Variants in ZNF138 observed in about 807,000 individuals in gnomAD.
The protein encoded by ZNF138 is zinc finger protein 138 (clone pHZ-32).
ZNF138 carries 33 observed loss-of-function variants against 33.0 expected under a neutral mutation model. The observed-to-expected ratio is 1.00, with a 90% confidence interval of 0.76 to 1.34. ZNF138 has a LOEUF of 1.34. Ranked by LOEUF, ZNF138 falls within the 40% of genes most tolerant of loss-of-function variation. ZNF138 has a pLI of 0.00. For synonymous variants in ZNF138, 139 were observed against 120.4 expected, an observed-to-expected ratio of 1.15 and a Z score of -1.01; for missense variants, 360 against 370.8, an observed-to-expected ratio of 0.97 and a Z score of 0.24.
rs190198776 is a variant in ZNF138 at position 64,829,792 on chromosome 7, A to C, written c.209-1659A>C. ...AGGAATTCCATTTTTGTGTATGTGC[A>C]TGTCTTCCCTAGAAAGTTATGTTAT... On this transcript the variant is annotated intron_variant, in intron 3 of 3. Coordinates refer to ENST00000307355, the MANE Select transcript of ZNF138 (RefSeq NM_001271639.2). Among the ~76,000 whole-genome samples the C allele has an allele frequency of 3.8e-3, 582 of 152,072 alleles. 8 individuals carry two copies. Among genetic ancestry groups the C allele is most frequent in the African/African-American group, 0.014 (563 of 41,512 alleles).
At chr7:64,808,340 T>A (rs898696243) in intron 1 of ZNF138, among the ~76,000 whole-genome samples, 3 of 152,152 alleles carry the variant, frequency 2.0e-5, no homozygotes, top group Non-Finnish European at 1.5e-5. Flanking sequence ...ATAAACTAAT[T>A]GCTTGCATTT....
At chr7:64,841,794 C>T in the ZNF138 span, among the ~76,000 whole-genome samples, 1 of 152,082 alleles carries the variant, frequency 6.6e-6, no homozygotes, top group Non-Finnish European at 1.5e-5. Flanking sequence ...ATTTTTAATG[C>T]ACTCAAAAAT....
In ZNF138 at chr7:64,830,138, C is replaced by A. The variant is rs145872737; in HGVS notation, c.209-1313C>A. 3.3e-5 allele frequency among the ~76,000 whole-genome samples: 5 copies of A among 152,056 alleles called. No homozygotes were observed. The East Asian group carries it at 9.7e-4, about 29-fold the overall frequency. On this transcript the variant is annotated intron_variant, in intron 3 of 3. Coordinates refer to ENST00000307355, the MANE Select transcript of ZNF138 (RefSeq NM_001271639.2). ...TTCATGAAAAATTAACTGGTTATCT[C>A]ATAAGATTATGCTTATAAATGACAC...
At chr7:64,795,596 G>A (rs1190860948) in intron 1 of ZNF138, among the ~76,000 whole-genome samples, 3 of 151,630 alleles carry the variant, frequency 2.0e-5, no homozygotes, top group African/African-American at 7.3e-5. Flanking sequence ...TTTTAAAAAA[G>A]ATTTGTTATC....
chr7:64,840,862 T>G, the ZNF138 span, among the ~76,000 whole-genome samples: 1 of 152,180 alleles, frequency 6.6e-6, no homozygotes, highest in African/African-American at 2.4e-5. Flanking sequence ...AAGAAAATTA[T>G]AGAGTATATA....
chr7:64,825,211 C>T (rs1211362203), intron 3 of ZNF138, among the ~76,000 whole-genome samples: 10 of 114,122 alleles, frequency 8.8e-5, no homozygotes, highest in Admixed American at 4.0e-4. Context: ...CTCGCACTGT[C>T]GCCCAGGCTG....
rs1263813830 is a variant in ZNF138, at chr7:64,815,059, A to C, written c.130+15A>C. Reference sequence around the variant, plus strand: ...GGTTTTCTTGGGTGAGAATAACTTCAGTACACATTTCCTAATATATCCTAA... The same window carrying C: ...GGTTTTCTTGGGTGAGAATAACTTCCGTACACATTTCCTAATATATCCTAA... On this transcript the variant is annotated intron_variant, in intron 2 of 3. Coordinates refer to ENST00000307355, the MANE Select transcript of ZNF138 (RefSeq NM_001271639.2). 6.3e-7 allele frequency: 1 copy of C among 1,576,138 alleles called. No homozygotes were observed. The highest frequency in any genetic ancestry group is 2.3e-5 in the East Asian group (1 of 43,748).
At chr7:64,805,449 C>T (rs1348220836) in intron 1 of ZNF138, among the ~76,000 whole-genome samples, 1 of 151,994 alleles carries the variant, frequency 6.6e-6, no homozygotes, top group Non-Finnish European at 1.5e-5. Flanking sequence ...GCTCCTATTT[C>T]CATTACTGTG....
chr7:64,848,198 G>A, the ZNF138 span, among the ~76,000 whole-genome samples: 1 of 151,622 alleles, frequency 6.6e-6, no homozygotes, highest in Non-Finnish European at 1.5e-5. Context: ...AGCTTGTAGG[G>A]TTTCTGCTGA....
intron 1 of ZNF138, among the ~76,000 whole-genome samples, chr7:64,802,169 G>A (rs1787186030): frequency 1.3e-5 from 2 of 152,128 alleles, no homozygotes; most frequent in African/African-American, 4.8e-5. Flanking sequence ...CGGGCTATAG[G>A]CAAATTTACA....
chr7:64,839,784 AG>A, the ZNF138 span, among the ~76,000 whole-genome samples: 1 of 152,010 alleles, frequency 6.6e-6, no homozygotes, highest in African/African-American at 2.4e-5. Flanking sequence ...GGGGCTTAGG[AG>A]GTGTCCCCTC....
chr7:64,828,788 T>G (rs549227374), intron 3 of ZNF138, among the ~76,000 whole-genome samples: 1 of 152,272 alleles, frequency 6.6e-6, no homozygotes, highest in South Asian at 2.1e-4. Flanking sequence ...TGTTCCTTTT[T>G]TTTTTTGAAG....
chr7:64,802,644 TA>T (rs35759781), intron 1 of ZNF138, among the ~76,000 whole-genome samples: 58,336 of 151,854 alleles, frequency 0.38, 12,211 homozygotes, highest in Non-Finnish European at 0.48. Context: ...CATGACCCCT[TA>T]CAAACAATTA....
At position 64,831,483 on chromosome 7, in the gene ZNF138, C is replaced by T. The variant is rs1475367411; in HGVS notation, c.241C>T (p.Leu81=). The change falls in exon 4 of 4, where the codon CTA becomes TTA. Residue 81 remains leucine (L), a synonymous_variant. Coordinates refer to ENST00000307355, the MANE Select transcript of ZNF138 (RefSeq NM_001271639.2). ...TTCTCGTTTTGCCCAAGACCTTTGG[C>T]TAGAGCAGAACATAAAAGATTCTTT... ...LCSRFAQDLW[L]EQNIKDSFQK... 1 of 1,587,208 alleles carries T rather than the reference C, an allele frequency of 6.3e-7. No individual in the cohort carries two copies. Among genetic ancestry groups the T allele is most frequent in the East Asian group, 2.2e-5 (1 of 44,728 alleles).
intron 1 of ZNF138, among the ~76,000 whole-genome samples, chr7:64,810,715 T>C (rs1329582407): frequency 6.6e-6 from 1 of 152,044 alleles, no homozygotes; most frequent in African/African-American, 2.4e-5. Flanking sequence ...CTACATAGGG[T>C]ACACTCCCTG....
At chr7:64,839,532 T>G in the ZNF138 span, among the ~76,000 whole-genome samples, 20 of 152,146 alleles carry the variant, frequency 1.3e-4, no homozygotes, top group South Asian at 4.2e-4. Flanking sequence ...GGACTGGCCT[T>G]CCCTTGAGGA....
the ZNF138 span, among the ~76,000 whole-genome samples, chr7:64,842,137 C>T: frequency 6.6e-6 from 1 of 152,172 alleles, no homozygotes; most frequent in Non-Finnish European, 1.5e-5. Context: ...GATCTTGGCT[C>T]ACTGCAACCT....
Position 64,814,946 on chromosome 7 carries a change from T to C in ZNF138, c.32T>C (p.Ile11Thr). 6.2e-7 allele frequency: 1 copy of C among 1,613,304 alleles called. No individual in the cohort carries two copies. Among genetic ancestry groups the C allele is most frequent in the Non-Finnish European group, 8.5e-7 (1 of 1,179,500 alleles). The change falls in exon 2 of 4, where the codon ATA becomes ACA. Residue 11 changes from isoleucine to threonine, a missense_variant. Ile to Thr is a moderately conservative substitution (Grantham distance 89, BLOSUM62 -1). Coordinates refer to ENST00000307355, the MANE Select transcript of ZNF138 (RefSeq NM_001271639.2). Reference sequence around the variant, plus strand: ...CCACTGACATTTATGGATGTGGCCATAGAGTTCTCTTTGGAGGAGTGGCAG... The same window carrying C: ...CCACTGACATTTATGGATGTGGCCACAGAGTTCTCTTTGGAGGAGTGGCAG... MGPLTFMDVA[I>T]EFSLEEWQCL...
At chr7:64,857,948 AG>A in the ZNF138 span, among the ~76,000 whole-genome samples, 1 of 152,260 alleles carries the variant, frequency 6.6e-6, no homozygotes, top group Non-Finnish European at 1.5e-5. Context: ...TTGATATTGT[AG>A]AACTATAGAT....
Sources: gnomAD v4.1 joint callset for allele counts (sites outside exome capture counted in the v4.1 genomes callset) on GRCh38, gnomAD v4.1.1 for gene constraint, MANE v1.5 for transcripts, NCBI Gene and HGNC (gene_info 2026-07-23, HGNC 2026-07-21) for gene names.